ABCC4: variants seen among roughly 807,000 people sequenced by gnomAD.
ABCC4 encodes ATP-binding cassette sub-family C member 4.
Under a neutral mutation model 168.5 loss-of-function variants are expected in ABCC4, and 102 were observed. That is an observed-to-expected ratio of 0.61 (90% CI 0.52 to 0.71). ABCC4 has a LOEUF of 0.71. Ranked by LOEUF, ABCC4 falls within the 30% of genes least tolerant of loss-of-function variation. The pLI, the probability that ABCC4 is intolerant of heterozygous loss-of-function variation, is 0.00. For synonymous variants in ABCC4, 617 were observed against 590.7 expected, an observed-to-expected ratio of 1.04 and a Z score of -0.65; for missense variants, 1,402 against 1,605.8, an observed-to-expected ratio of 0.87 and a Z score of 2.17.
At chr13:95,289,158 C>A (rs1327435817) in intron 1 of ABCC4, among the ~76,000 whole-genome samples, 3 of 152,188 alleles carry the variant, frequency 2.0e-5, no homozygotes, top group Admixed American at 6.5e-5. Context: ...AAGAAGCGGT[C>A]AGTTGGGTTT....
rs373205434 is a variant in ABCC4, at chr13:95,183,637, G to C, written c.1545+3064C>G. On this transcript the variant is annotated intron_variant, in intron 11 of 30. Coordinates refer to ENST00000645237, the MANE Select transcript of ABCC4 (RefSeq NM_005845.5). ...CCAAAGTGGACACCGAGCTGGTCGT[G>C]CGCAGTGGCTCATGCAAATAATCCC... is the stretch of plus-strand genomic sequence containing the variant. Among the ~76,000 whole-genome samples the C allele has an allele frequency of 3.9e-5, 6 of 152,336 alleles. No homozygotes were observed. The South Asian group carries it at 1.2e-3, about 32-fold the overall frequency.
intron 4 of ABCC4, among the ~76,000 whole-genome samples, chr13:95,230,755 A>G (rs1298970583): frequency 1.3e-5 from 2 of 152,230 alleles, no homozygotes; most frequent in Non-Finnish European, 2.9e-5. Context: ...TGACTGGGTG[A>G]CAGAGCAAGA....
At position 95,073,310 on chromosome 13, in the gene ABCC4, T is replaced by C. The variant is rs764107411; in HGVS notation, c.2918-6A>G. On this transcript the variant is annotated splice_region_variant and splice_polypyrimidine_tract_variant and intron_variant, in intron 23 of 30. Coordinates refer to ENST00000645237, the MANE Select transcript of ABCC4 (RefSeq NM_005845.5). ...AACCTGCCCGGCATCCAGAGCTACGTAAGGAGGAAGAAGGGAATAAAGTCA... is the reference window on the plus strand; with the variant it reads ...AACCTGCCCGGCATCCAGAGCTACGCAAGGAGGAAGAAGGGAATAAAGTCA... 9.3e-6 allele frequency: 15 copies of C among 1,610,510 alleles called. No individual in the cohort carries two copies. In the African/African-American group the frequency reaches 2.0e-4, roughly 22 times the overall value.
intron 19 of ABCC4, among the ~76,000 whole-genome samples, chr13:95,133,356 T>C (rs1268533405): frequency 6.6e-6 from 1 of 152,046 alleles, no homozygotes; most frequent in East Asian, 1.9e-4. Flanking sequence ...TCAATTGATC[T>C]GCCTGCCCTG....
In ABCC4 at chr13:95,020,308, G is replaced by A. The variant is rs1045557384; in HGVS notation, c.*1267C>T. 1.2e-4 allele frequency: 19 copies of A among 152,246 alleles called. No individual in the cohort carries two copies. Among genetic ancestry groups the A allele is most frequent in the African/African-American group, 4.1e-4 (17 of 41,440 alleles). The allele number at this position is 152,246 out of a possible 1,614,324, so 9.4% of individuals were successfully genotyped here. Reference sequence around the variant, plus strand: ...GTCTATATACATATATGCAATTTCAGGGAGGTGACACCTTATTCTGAGAGG... The same window carrying A: ...GTCTATATACATATATGCAATTTCAAGGAGGTGACACCTTATTCTGAGAGG... On this transcript the variant is annotated 3_prime_UTR_variant, in exon 31 of 31. Coordinates refer to ENST00000645237, the MANE Select transcript of ABCC4 (RefSeq NM_005845.5).
chr13:95,187,904 C>T (rs1301331952), intron 10 of ABCC4, among the ~76,000 whole-genome samples: 3 of 152,164 alleles, frequency 2.0e-5, no homozygotes, highest in Admixed American at 2.0e-4. Flanking sequence ...ACTGAAATCA[C>T]CTGTTTGTAT....
rs138042414 is a variant in ABCC4 at position 95,163,206 on chromosome 13, G to C, written c.2224C>G (p.Gln742Glu). 1.7e-5 allele frequency: 27 copies of C among 1,610,456 alleles called. No individual in the cohort carries two copies. Among genetic ancestry groups the C allele is most frequent in the Non-Finnish European group, 2.2e-5 (26 of 1,177,566 alleles). Reference protein sequence around the residue: ...DWWLSYWANKQSMLNVTVNGG... With the variant: ...DWWLSYWANKESMLNVTVNGG... ...TTTACAGTGACATTTAGCATACTTT[G>C]TTTGTTTGCCCTATGGAACATGGGG... The change falls in exon 18 of 31, where the codon CAA becomes GAA. Residue 742 changes from glutamine (Q) to glutamate (E), a missense_variant. By Grantham distance (29) the Gln-to-Glu change is conservative (BLOSUM62 2). Around this residue, in one of 3 missense-constraint regions of ABCC4, gnomAD observed 1,007 missense variants for 1,127.3 expected, o/e 0.89. Transcript: ENST00000645237.
At chr13:95,113,585 A>AAAAAAAAAT (rs2035276524) in intron 20 of ABCC4, among the ~76,000 whole-genome samples, 1 of 151,246 alleles carries the variant, frequency 6.6e-6, no homozygotes, top group Non-Finnish European at 1.5e-5. Flanking sequence ...AAAAAAAAAA[A>AAAAAAAAAT]TTACATTTAG....
At chr13:95,283,421 G>A (rs1158757219) in intron 1 of ABCC4, among the ~76,000 whole-genome samples, 14 of 135,614 alleles carry the variant, frequency 1.0e-4, no homozygotes, top group African/African-American at 3.8e-4. Flanking sequence ...CCAGGCTGGA[G>A]TGCAGTGGTG....
intron 20 of ABCC4, 68 bp from the exon 21 acceptor site, chr13:95,083,358 T>C: frequency 6.4e-7 from 1 of 1,560,028 alleles, no homozygotes. Flanking sequence ...TTGCATGAGT[T>C]GTTGTTAGGA....
chr13:95,142,594 A>T (rs537937347), intron 19 of ABCC4, among the ~76,000 whole-genome samples: 145 of 151,438 alleles, frequency 9.6e-4, no homozygotes, highest in African/African-American at 1.5e-3. Context: ...AAAAAAAAAA[A>T]TTTTTAAATT....
chr13:95,147,118 T>C (rs1036335269), intron 19 of ABCC4, among the ~76,000 whole-genome samples: 1 of 152,188 alleles, frequency 6.6e-6, no homozygotes, highest in African/African-American at 2.4e-5. Context: ...TCTGGACTAG[T>C]TGGGTGTCTC....
At position 95,122,934 on chromosome 13, in the gene ABCC4, T is replaced by C. The variant is rs115488876; in HGVS notation, c.2456-6933A>G. 3.0e-3 allele frequency among the ~76,000 whole-genome samples: 462 copies of C among 152,360 alleles called. 1 individual carries two copies. The highest frequency in any genetic ancestry group is 0.01 in the African/African-American group (436 of 41,588). ...GTGTTGTGTTTTCAAAGTGTAGTTG[T>C]TTCTTGCCTTTTCATATAATTATGA... is the stretch of plus-strand genomic sequence containing the variant. On this transcript the variant is annotated intron_variant, in intron 19 of 30. Coordinates refer to ENST00000645237, the MANE Select transcript of ABCC4 (RefSeq NM_005845.5).
chr13:95,186,448 G>A (rs2038062229), intron 11 of ABCC4, among the ~76,000 whole-genome samples: 1 of 152,022 alleles, frequency 6.6e-6, no homozygotes, highest in Admixed American at 6.6e-5. Flanking sequence ...TTGAAAAAAA[G>A]AAAAGTTAAA....
chr13:95,282,000 G>A (rs565470507), intron 1 of ABCC4, among the ~76,000 whole-genome samples: 6 of 152,150 alleles, frequency 3.9e-5, no homozygotes, highest in Admixed American at 2.6e-4. Flanking sequence ...CCAGCTACTC[G>A]TCAGGCTGAG....
chr13:95,030,852 C>T (rs1033489283), intron 30 of ABCC4, among the ~76,000 whole-genome samples: 1 of 152,084 alleles, frequency 6.6e-6, no homozygotes, highest in Non-Finnish European at 1.5e-5. Flanking sequence ...GCTTTATGTA[C>T]CTGAAATGTA....
chr13:95,178,688 G>A lies in ABCC4; in HGVS notation c.1546-597C>T, dbSNP rs528257943. 1.2e-4 allele frequency among the ~76,000 whole-genome samples: 19 copies of A among 152,298 alleles called. No individual in the cohort carries two copies. The South Asian group carries it at 3.3e-3, about 27-fold the overall frequency. On this transcript the variant is annotated intron_variant, in intron 11 of 30. Coordinates refer to ENST00000645237, the MANE Select transcript of ABCC4 (RefSeq NM_005845.5). The stretch of plus-strand genomic sequence containing the variant: ...ACAGAAGAGCAATATGGATGCACAC[G>A]GAACTGCGAGCACAGGATGATGGCA...
At chr13:95,196,598 A>G (rs1411381848) in intron 8 of ABCC4, among the ~76,000 whole-genome samples, 127 of 7,738 alleles carry the variant, frequency 0.016, 2 homozygotes, top group African/African-American at 0.048. Flanking sequence ...GGAAGGAAGG[A>G]AGGAAGGAAG....
chr13:95,225,161 A>T (rs996555012), intron 4 of ABCC4, among the ~76,000 whole-genome samples: 2,370 of 34,116 alleles, frequency 0.069, 39 homozygotes, highest in South Asian at 0.26. Context: ...TCTCACACAC[A>T]CACACACACA....
Sources: allele counts gnomAD v4.1 joint callset (sites outside exome capture counted in the v4.1 genomes callset), GRCh38; gene constraint gnomAD v4.1.1; regional missense constraint gnomAD v4.1.1; transcripts MANE v1.5; gene names NCBI Gene and HGNC (gene_info 2026-07-23, HGNC 2026-07-21).